FAM217A: variants seen among roughly 807,000 people sequenced by gnomAD.
FAM217A encodes the protein protein FAM217A.
A neutral mutation model predicts 18.5 loss-of-function variants in FAM217A; 13 were observed. The observed-to-expected ratio is 0.70, with a 90% CI of 0.46 to 1.12. The LOEUF (loss-of-function observed/expected upper bound fraction) is 1.12, where lower values mean the gene tolerates loss of function less well. Ranked by LOEUF, FAM217A falls within the 50% of genes most tolerant of loss-of-function variation. The pLI is 0.00. For missense variants in FAM217A, 560 were observed against 575.4 expected (o/e 0.97, Z 0.27); for synonymous variants, 161 against 202.8 (o/e 0.79, Z 1.75).
rs917116656 is a variant in FAM217A at position 4,068,567 on chromosome 6, C to T, written c.*129G>A. ...GCTTTTCACAAGTTCTACTCCATAT[C>T]ACATCAAGCAACTGTTTGGTGATTT... On this transcript the variant is annotated 3_prime_UTR_variant, in exon 7 of 7. Transcript: ENST00000274673. 10 of 1,009,936 alleles carry T rather than the reference C, an allele frequency of 9.9e-6. No individual in the cohort carries two copies. The African/African-American group carries it at 1.3e-4, about 13-fold the overall frequency. The allele number at this position is 1,009,936 out of a possible 1,614,324, so 62.6% of individuals were successfully genotyped here.
chr6:4,068,770 T>A lies in FAM217A; in HGVS notation c.1453A>T (p.Ile485Phe). Residue 485 changes from isoleucine to phenylalanine, a missense_variant, in exon 7 of 7, where the codon ATT becomes TTT. Physicochemically the swap from Ile to Phe is conservative, Grantham distance 21. Coordinates refer to ENST00000274673, the MANE Select transcript of FAM217A (RefSeq NM_173563.3). ...QNIVLNRPFSIQKLNCLSPSL... is the reference protein window; with the variant it reads ...QNIVLNRPFSFQKLNCLSPSL... ...GGCGACAAACAGTTTAGCTTCTGAATAGAGAATGGTCTATTCAACACTATA... is the reference window on the plus strand; with the variant it reads ...GGCGACAAACAGTTTAGCTTCTGAAAAGAGAATGGTCTATTCAACACTATA... 1 of 1,614,026 alleles carries A rather than the reference T, an allele frequency of 6.2e-7. No homozygotes were observed. The highest frequency in any genetic ancestry group is 1.1e-5 in the South Asian group (1 of 91,008).
intron 3 of FAM217A, 23 bp downstream of exon 3, chr6:4,074,554 T>A: frequency 6.3e-7 from 1 of 1,595,204 alleles, no homozygotes; most frequent in East Asian, 2.2e-5. Flanking sequence ...TCAGTATAAG[T>A]ATACACATCT....
chr6:4,079,151 G>A (rs557657253), upstream of FAM217A: 22 of 337,226 alleles, frequency 6.5e-5, no homozygotes, highest in Middle Eastern at 1.6e-3. Context: ...CGGGTCTCCC[G>A]GCAACTACCA....
chr6:4,076,763 G>A (rs182658654), intron 2 of FAM217A, among the ~76,000 whole-genome samples: 60 of 152,290 alleles, frequency 3.9e-4, no homozygotes, highest in Admixed American at 3.1e-3. Flanking sequence ...AGCTACTCGG[G>A]AGGCTGAGGC....
At chr6:4,081,610 C>T (rs904869914), upstream of FAM217A, among the ~76,000 whole-genome samples, 43 of 152,190 alleles carry the variant, frequency 2.8e-4, no homozygotes, top group African/African-American at 1.0e-3. Context: ...CTGAGCTCAG[C>T]CTAGTTATTC....
chr6:4,070,539 A>G (rs539197535), intron 6 of FAM217A, among the ~76,000 whole-genome samples: 2 of 152,324 alleles, frequency 1.3e-5, no homozygotes, highest in South Asian at 4.1e-4. Context: ...GAAAACTACA[A>G]AAAAGCCATA....
Position 4,069,376 on chromosome 6 carries a change from CAG to C in FAM217A, c.845_846del (p.Ser282CysfsTer2), listed in dbSNP as rs1338676243. On this transcript the variant is annotated frameshift_variant, in exon 7 of 7. Transcript: ENST00000274673. LOFTEE classifies it low-confidence loss of function (END_TRUNC). ...AGTAAACGAGTTATCAAGTGTTCAA[CAG>C]AGGTTTCTGCAGGGTCCACTGTCAC... ...WKVTVDPAET[S>X]VEHLITRLLE... The C allele has an allele frequency of 6.2e-7, 1 of 1,614,100 alleles. No homozygotes were observed. Among genetic ancestry groups the C allele is most frequent in the South Asian group, 1.1e-5 (1 of 91,076 alleles).
chr6:4,078,006 A>G (rs74352063), intron 1 of FAM217A, among the ~76,000 whole-genome samples: 2,477 of 152,186 alleles, frequency 0.016, 31 homozygotes, highest in Non-Finnish European at 0.027. Flanking sequence ...GGTAACAAGC[A>G]AAACAGTCAC....
rs74584104 is a variant in FAM217A, at chr6:4,085,544, G to A, written c.19-734C>T. ...AGATCACTTCCTTGGCATGTTGAAT[G>A]GCTTAAAACATGGTTTGTTCTTTAC... On this transcript the variant is annotated intron_variant, in intron 1 of 8. Transcript: ENST00000639338. Among the ~76,000 whole-genome samples, 1,239 of 152,048 alleles carry A rather than the reference G, an allele frequency of 8.1e-3. 7 individuals carry two copies. The highest frequency in any genetic ancestry group is 0.014 in the Non-Finnish European group (929 of 67,980).
At chr6:4,074,161 A>G (rs1314160530) in intron 4 of FAM217A, among the ~76,000 whole-genome samples, 1 of 152,092 alleles carries the variant, frequency 6.6e-6, no homozygotes, top group Non-Finnish European at 1.5e-5. Context: ...CTGCTTCAAG[A>G]CATTTTAAAG....
intron 1 of FAM217A, among the ~76,000 whole-genome samples, chr6:4,085,311 A>AAAAATATATATATAT (rs377046907): frequency 2.0e-4 from 30 of 146,438 alleles, no homozygotes; most frequent in East Asian, 8.1e-4. Flanking sequence ...TGTAAAAAAA[A>AAAAATATATATATAT]ATATATATAT....
Position 4,068,804 on chromosome 6 carries a change from G to A in FAM217A, c.1419C>T (p.Tyr473=). ...KRNFGTKKKL[Y]RQNIVLNRPF... Reference sequence around the variant, plus strand: ...GTCTATTCAACACTATATTTTGTCGGTAAAGTTTCTTTTTGGTCCCAAAGT... The same window carrying A: ...GTCTATTCAACACTATATTTTGTCGATAAAGTTTCTTTTTGGTCCCAAAGT... Residue 473 remains tyrosine, a synonymous_variant, in exon 7 of 7, where the codon TAC becomes TAT. Transcript: ENST00000274673. 6.2e-7 allele frequency: 1 copy of A among 1,614,144 alleles called. No homozygotes were observed. Among genetic ancestry groups the A allele is most frequent in the Non-Finnish European group, 8.5e-7 (1 of 1,180,000 alleles).
chr6:4,078,985 A>G lies in FAM217A; in HGVS notation c.-168T>C. On this transcript the variant is annotated 5_prime_UTR_variant, in exon 1 of 7. Transcript: ENST00000274673. ...GCGGCCTTCCTGCAGCGGGGGGACA[A>G]AGAGGGCGGCGGGCGGCTGGCGGCC... 2.0e-6 allele frequency: 1 copy of G among 494,614 alleles called. No homozygotes were observed. The highest frequency in any genetic ancestry group is 3.6e-6 in the Non-Finnish European group (1 of 280,818). The allele number at this position is 494,614 out of a possible 1,614,324, so 30.6% of individuals were successfully genotyped here. A position where few individuals can be genotyped will look rare whatever the true frequency, so the allele number is the denominator to read the frequency against.
Position 4,069,302 on chromosome 6 carries a change from T to C in FAM217A, c.921A>G (p.Arg307=), listed in dbSNP as rs754680441. ...QHMTIQKERP[R]LQTTFCTPAV... is the part of the protein sequence containing the mutation. ...CTGGAGTACAGAAAGTCGTTTGTAG[T>C]CTTGGCCTCTCTTTTTGAATAGTCA... Residue 307 remains arginine (R), a synonymous_variant, in exon 7 of 7, where the codon AGA becomes AGG. Transcript: ENST00000274673. 1 of 1,614,096 alleles carries C rather than the reference T, an allele frequency of 6.2e-7. No individual in the cohort carries two copies. The highest frequency in any genetic ancestry group is 1.1e-5 in the South Asian group (1 of 91,070).
rs530166885 is a variant in FAM217A at position 4,068,614 on chromosome 6, T to C, written c.*82A>G. 10 of 1,443,408 alleles carry C rather than the reference T, an allele frequency of 6.9e-6. No homozygotes were observed. In the African/African-American group the frequency reaches 8.5e-5, roughly 12 times the overall value. 89.4% of individuals were successfully genotyped at this position (1,443,408 alleles called of 1,614,324 possible). On this transcript the variant is annotated 3_prime_UTR_variant, in exon 7 of 7. Coordinates refer to ENST00000274673, the MANE Select transcript of FAM217A (RefSeq NM_173563.3). ...ATTTTGGGGGACTGTTAATAGTACC[T>C]GTGTCTTGGAATAATTAACCATATC...
chr6:4,085,327 T>A (rs991093566), intron 1 of FAM217A, among the ~76,000 whole-genome samples: 4 of 148,592 alleles, frequency 2.7e-5, no homozygotes, highest in Non-Finnish European at 6.0e-5. Context: ...TATATATATA[T>A]AAAATATGTA....
Position 4,069,717 on chromosome 6 carries a change from G to T in FAM217A, c.506C>A (p.Ser169Ter). The T allele has an allele frequency of 1.2e-6, 2 of 1,614,028 alleles. No individual in the cohort carries two copies. Among genetic ancestry groups the T allele is most frequent in the Non-Finnish European group, 8.5e-7 (1 of 1,180,004 alleles). Reference protein sequence around the residue: ...FKNRNEIHVSSCSTIENNDGE... With the variant: ...FKNRNEIHVS ...ATCATTGTTTTCTATAGTTGAACAT[G>T]AACTAACATGAATCTCATTTCTGTT... Residue 169 changes from serine to a stop codon, truncating the protein, a stop_gained, in exon 7 of 7, where the codon TCA becomes TAA. Coordinates refer to ENST00000274673, the MANE Select transcript of FAM217A (RefSeq NM_173563.3). LOFTEE classifies it low-confidence loss of function (END_TRUNC).
In FAM217A at chr6:4,079,095, G is replaced by C; in HGVS notation, c.-278C>G. 1 of 356,918 alleles carries C rather than the reference G, an allele frequency of 2.8e-6. No homozygotes were observed. The highest frequency in any genetic ancestry group is 7.4e-4 in the Middle Eastern group (1 of 1,346). The allele number at this position is 356,918 out of a possible 1,614,324, so 22.1% of individuals were successfully genotyped here. On this transcript the variant is annotated 5_prime_UTR_variant, in exon 1 of 7. Transcript: ENST00000274673. The stretch of plus-strand genomic sequence containing the variant: ...GGGAGTCGGGCCCGGGGCCCAGAGA[G>C]ACCTTCCGGGGCCGGGGCTGCGGCT...
In FAM217A at chr6:4,069,287, G is replaced by GA; in HGVS notation, c.935dup (p.Cys313LeufsTer7). The GA allele has an allele frequency of 6.2e-7, 1 of 1,614,162 alleles. No individual in the cohort carries two copies. The highest frequency in any genetic ancestry group is 8.5e-7 in the Non-Finnish European group (1 of 1,180,030). On this transcript the variant is annotated frameshift_variant, in exon 7 of 7. Transcript: ENST00000274673. LOFTEE classifies it low-confidence loss of function (END_TRUNC). Reference sequence around the variant, plus strand: ...GTCGTTCAGTAACTGCTGGAGTACAGAAAGTCGTTTGTAGTCTTGGCCTCT... The same window carrying GA: ...GTCGTTCAGTAACTGCTGGAGTACAGAAAAGTCGTTTGTAGTCTTGGCCTCT...
Sources: allele counts gnomAD v4.1 joint callset (sites outside exome capture counted in the v4.1 genomes callset), GRCh38; gene constraint gnomAD v4.1.1; transcripts MANE v1.5; gene names NCBI Gene and HGNC (gene_info 2026-07-23, HGNC 2026-07-21).